EML6: variants seen among roughly 807,000 people sequenced by gnomAD.
The protein encoded by EML6 is echinoderm microtubule-associated protein-like 6.
A neutral mutation model predicts 240.1 loss-of-function variants in EML6; 154 were observed. That is an observed-to-expected ratio of 0.64 (90% confidence interval 0.56 to 0.73). EML6 has a LOEUF of 0.73. Among genes scored for constraint, EML6 ranks in the 30% least tolerant of loss-of-function variants. The pLI, the probability that EML6 is intolerant of heterozygous loss-of-function variation, is 0.00. For synonymous variants in EML6, 1,148 were observed against 899.0 expected (o/e 1.28, Z -4.95); for missense variants, 2,964 against 2,474.6 (o/e 1.20, Z -4.20).
Position 54,916,871 on chromosome 2 carries a change from A to G in EML6, c.3611A>G (p.Asp1204Gly). ...GTAAATGCTGCCAGTCTTACCAAAGACTGTTCCCTTTTAGCCACCGGAGAT... is the reference window on the plus strand; with the variant it reads ...GTAAATGCTGCCAGTCTTACCAAAGGCTGTTCCCTTTTAGCCACCGGAGAT... Reference protein sequence around the residue: ...TDVNAASLTKDCSLLATGDDF... With the variant: ...TDVNAASLTKGCSLLATGDDF... Residue 1204 changes from aspartate (D) to glycine (G), a missense_variant, in exon 26 of 42, where the codon GAC becomes GGC. Physicochemically the swap from Asp to Gly is moderately conservative, Grantham distance 94. Coordinates refer to ENST00000356458, the MANE Select transcript of EML6 (RefSeq NM_001039753.4). 1 of 1,550,430 alleles carries G rather than the reference A, an allele frequency of 6.4e-7. No individual in the cohort carries two copies. Among genetic ancestry groups the G allele is most frequent in the Non-Finnish European group, 8.7e-7 (1 of 1,146,000 alleles).
At chr2:54,795,518 A>C (rs1035558085) in intron 2 of EML6, among the ~76,000 whole-genome samples, 7 of 152,136 alleles carry the variant, frequency 4.6e-5, no homozygotes, top group African/African-American at 1.7e-4. Flanking sequence ...TGGGGGAGGA[A>C]AAGGGAAGAG....
At chr2:54,895,094 T>C in intron 20 of EML6, 68 bp downstream of exon 20, 1 of 1,377,370 alleles carries the variant, frequency 7.3e-7, no homozygotes, top group Non-Finnish European at 1.0e-6. Flanking sequence ...TACTAAAGTT[T>C]TTAGAAAACT....
intron 24 of EML6, among the ~76,000 whole-genome samples, chr2:54,904,760 C>T (rs963738479): frequency 6.6e-6 from 1 of 152,100 alleles, no homozygotes; most frequent in Non-Finnish European, 1.5e-5. Flanking sequence ...CATTCCCTCC[C>T]ATCTTGGGGA....
intron 28 of EML6, among the ~76,000 whole-genome samples, chr2:54,937,287 A>AT (rs1675188166): frequency 6.6e-6 from 1 of 151,572 alleles, no homozygotes; most frequent in African/African-American, 2.4e-5. Flanking sequence ...TCAAAAAAAA[A>AT]AAAGAAGAAG....
At chr2:54,775,581 A>C (rs1468896194) in intron 2 of EML6, among the ~76,000 whole-genome samples, 1 of 152,146 alleles carries the variant, frequency 6.6e-6, no homozygotes, top group Non-Finnish European at 1.5e-5. Context: ...CATAGCACTT[A>C]TTACAACCTA....
intron 30 of EML6, among the ~76,000 whole-genome samples, chr2:54,951,970 A>T (rs1226707259): frequency 1.3e-5 from 2 of 152,158 alleles, no homozygotes; most frequent in African/African-American, 4.8e-5. Context: ...AGTGGCTATT[A>T]TGGAAGTCAG....
chr2:54,861,618 A>G (rs1039255899), intron 12 of EML6, among the ~76,000 whole-genome samples: 7 of 152,190 alleles, frequency 4.6e-5, no homozygotes, highest in African/African-American at 1.7e-4. Context: ...CCAACAGGAC[A>G]TGGCACATCT....
chr2:54,899,308 T>C (rs1023477976), intron 21 of EML6, among the ~76,000 whole-genome samples: 8 of 152,214 alleles, frequency 5.3e-5, no homozygotes, highest in African/African-American at 1.9e-4. Flanking sequence ...TTATTTAGTA[T>C]GAAACAACAG....
chr2:54,886,747 A>G (rs1290868142), intron 17 of EML6, among the ~76,000 whole-genome samples: 1 of 152,096 alleles, frequency 6.6e-6, no homozygotes, highest in Non-Finnish European at 1.5e-5. Context: ...GAATAGAGTG[A>G]TTTGTCTTTT....
chr2:54,851,242 C>G (rs537029408), intron 10 of EML6, among the ~76,000 whole-genome samples: 1 of 151,656 alleles, frequency 6.6e-6, no homozygotes, highest in African/African-American at 2.4e-5. Context: ...AGTCCCATCT[C>G]TGCTAAAGAT....
At chr2:54,801,243 A>T (rs765585286) in intron 2 of EML6, among the ~76,000 whole-genome samples, 20 of 141,968 alleles carry the variant, frequency 1.4e-4, no homozygotes, top group Admixed American at 5.0e-4. Context: ...TGAATCCGGG[A>T]GGTGGAGCTT....
intron 12 of EML6, among the ~76,000 whole-genome samples, chr2:54,862,564 T>A (rs1451318921): frequency 6.6e-6 from 1 of 151,750 alleles, no homozygotes; most frequent in Non-Finnish European, 1.5e-5. Flanking sequence ...GTTACCAACA[T>A]GCCAAAAAGA....
chr2:54,895,322 T>C lies in EML6; in HGVS notation c.2904T>C (p.His968=). 5 of 1,551,936 alleles carry C rather than the reference T, an allele frequency of 3.2e-6. No homozygotes were observed. Among genetic ancestry groups the C allele is most frequent in the South Asian group, 1.2e-5 (1 of 84,056 alleles). ...CAATTCGTGCCATCACTTTGGGACA[T>C]GGACATATCCTGGTGGGAACAAAAA... is the stretch of plus-strand genomic sequence containing the variant. The part of the protein sequence containing the change: ...NPSIRAITLG[H]GHILVGTKNG... Residue 968 remains histidine, a synonymous_variant, in exon 21 of 42, where the codon CAT becomes CAC. Coordinates refer to ENST00000356458, the MANE Select transcript of EML6 (RefSeq NM_001039753.4).
chr2:54,847,743 T>TCGTAGA, intron 9 of EML6, 120 bp downstream of exon 9: 1 of 1,031,316 alleles, frequency 9.7e-7, no homozygotes, highest in Non-Finnish European at 1.4e-6. Context: ...CAAATAGGAA[T>TCGTAGA]ACTATAGATC....
At chr2:54,808,903 T>A (rs1309330466) in intron 2 of EML6, among the ~76,000 whole-genome samples, 1 of 152,174 alleles carries the variant, frequency 6.6e-6, no homozygotes, top group African/African-American at 2.4e-5. Context: ...TGAAAGTCCT[T>A]CTCTGCAGTG....
intron 7 of EML6, among the ~76,000 whole-genome samples, chr2:54,840,821 C>T (rs1259218504): frequency 6.6e-6 from 1 of 152,222 alleles, no homozygotes; most frequent in Admixed American, 6.5e-5. Context: ...TGAGAGGAAG[C>T]AGACAATAAA....
intron 7 of EML6, among the ~76,000 whole-genome samples, chr2:54,836,769 G>A (rs1313508087): frequency 2.0e-5 from 3 of 152,252 alleles, no homozygotes; most frequent in South Asian, 2.1e-4. Flanking sequence ...ATTCCTAATC[G>A]TTTTTTAGCA....
At chr2:54,816,021 T>C (rs1262753797) in intron 3 of EML6, among the ~76,000 whole-genome samples, 1 of 152,224 alleles carries the variant, frequency 6.6e-6, no homozygotes, top group Non-Finnish European at 1.5e-5. Flanking sequence ...AGGAGGTTAA[T>C]TTTGCAAGGT....
At chr2:54,919,232 C>A (rs1391201069) in intron 26 of EML6, among the ~76,000 whole-genome samples, 2 of 141,670 alleles carry the variant, frequency 1.4e-5, no homozygotes, top group South Asian at 2.4e-4. Flanking sequence ...TAACTTTCCT[C>A]TATTTTGCTT....
Sources: allele counts gnomAD v4.1 joint callset (sites outside exome capture counted in the v4.1 genomes callset), GRCh38; gene constraint gnomAD v4.1.1; transcripts MANE v1.5; gene names NCBI Gene and HGNC (gene_info 2026-07-23, HGNC 2026-07-21).